TOMM20L: variants seen among roughly 807,000 people sequenced by gnomAD.
TOMM20L encodes the protein TOMM20-like protein 1.
TOMM20L carries 19 observed loss-of-function variants against 20.4 expected under a neutral mutation model. The observed-to-expected ratio is 0.93, with a 90% CI of 0.65 to 1.36. TOMM20L has a LOEUF of 1.36. Among genes scored for constraint, TOMM20L ranks in the 40% most tolerant of loss-of-function variants. The probability of loss-of-function intolerance (pLI) is 0.00; values close to 1 mark genes in which losing one functional copy is unlikely to be tolerated. For missense variants in TOMM20L, 218 were observed against 203.7 expected, an observed-to-expected ratio of 1.07 and a Z score of -0.43; for synonymous variants, 75 against 79.6, an observed-to-expected ratio of 0.94 and a Z score of 0.30.
downstream of TOMM20L, chr14:58,409,318 C>A: frequency 2.4e-6 from 2 of 824,724 alleles, no homozygotes; most frequent in Non-Finnish European, 3.7e-6. Flanking sequence ...CTGACCATAG[C>A]TTTTAATTGA....
rs1016999182 is a variant in TOMM20L, at chr14:58,403,109, C to G, written c.262+348C>G. Among the ~76,000 whole-genome samples the G allele has an allele frequency of 6.5e-4, 99 of 152,232 alleles. 1 individual carries two copies. Among genetic ancestry groups the G allele is most frequent in the Admixed American group, 6.5e-3 (99 of 15,288 alleles). On this transcript the variant is annotated intron_variant, in intron 3 of 4. Coordinates refer to ENST00000360945, the MANE Select transcript of TOMM20L (RefSeq NM_207377.3). The stretch of plus-strand genomic sequence containing the variant: ...TGGTGGCTCATACCTGTAATCCCAA[C>G]ACTTTGGGAGGCCAAGGCAAGAGGA...
intron 1 of TOMM20L, 31 bp from the exon 2 acceptor site, chr14:58,396,267 C>T: frequency 6.2e-7 from 1 of 1,612,124 alleles, no homozygotes. Context: ...GACGGGCCTC[C>T]CAGCCAGCAT....
intron 3 of TOMM20L, among the ~76,000 whole-genome samples, chr14:58,403,275 T>C (rs753921247): frequency 5.3e-5 from 8 of 152,142 alleles, no homozygotes; most frequent in Non-Finnish European, 7.4e-5. Context: ...AGAGGATCAC[T>C]TGAGCCCAGG....
the TOMM20L span, among the ~76,000 whole-genome samples, chr14:58,415,096 C>CA: frequency 5.3e-5 from 8 of 152,314 alleles, no homozygotes; most frequent in East Asian, 1.5e-3. Context: ...GGTGAGGAGC[C>CA]AGAATGCCTA....
chr14:58,410,902 C>T, downstream of TOMM20L: 1 of 1,613,552 alleles, frequency 6.2e-7, no homozygotes, highest in Non-Finnish European at 8.5e-7. Context: ...AAGCAGGTCT[C>T]TGTAAGTTTA....
rs2035910037 is a variant in TOMM20L at position 58,396,019 on chromosome 14, C to T, written c.62C>T (p.Ala21Val). ...GCCGCGGCGGCCTGTGGCGCCTTCG[C>T]CTTCCTGGGCTATTGTATTTACCTC... The part of the protein sequence containing the change: ...LAAAAACGAF[A>V]FLGYCIYLNR... Residue 21 changes from alanine (A) to valine (V), a missense_variant, in exon 1 of 5, where the codon GCC becomes GTC. Coordinates refer to ENST00000360945, the MANE Select transcript of TOMM20L (RefSeq NM_207377.3). 3 of 1,452,058 alleles carry T rather than the reference C, an allele frequency of 2.1e-6. No individual in the cohort carries two copies. 89.9% of individuals were successfully genotyped at this position (1,452,058 alleles called of 1,614,324 possible). A position where few individuals can be genotyped will look rare whatever the true frequency, so the allele number is the denominator to read the frequency against.
chr14:58,402,507 C>T (rs564956028), intron 2 of TOMM20L, among the ~76,000 whole-genome samples, 173 bp from the exon 3 acceptor site: 8 of 152,188 alleles, frequency 5.3e-5, no homozygotes, highest in East Asian at 1.9e-4. Context: ...AGGCTGGTCT[C>T]GAACTCCCGA....
chr14:58,408,866 G>T, downstream of TOMM20L: 1 of 952,780 alleles, frequency 1.0e-6, no homozygotes, highest in East Asian at 2.7e-5. Context: ...GATTATTCCT[G>T]GTAAATAGCA....
At chr14:58,411,567 T>C (rs1260249277), downstream of TOMM20L, among the ~76,000 whole-genome samples, 2 of 150,722 alleles carry the variant, frequency 1.3e-5, no homozygotes, top group Non-Finnish European at 3.0e-5. Flanking sequence ...TGAGATGGAG[T>C]CTTGCTCTGT....
downstream of TOMM20L, among the ~76,000 whole-genome samples, chr14:58,410,649 G>A (rs2036185399): frequency 6.6e-6 from 1 of 152,188 alleles, no homozygotes. Flanking sequence ...TTGGTACAAT[G>A]TAACTGTCAT....
At chr14:58,396,245 C>T in intron 1 of TOMM20L, 53 bp from the exon 2 acceptor site, 1 of 1,608,084 alleles carries the variant, frequency 6.2e-7, no homozygotes, top group East Asian at 2.2e-5. Context: ...ACTGGGCCCA[C>T]GCGTGCCTCT....
At chr14:58,412,251 C>T (rs2140316260), downstream of TOMM20L, 2 of 299,872 alleles carry the variant, frequency 6.7e-6, no homozygotes, top group East Asian at 7.9e-5. Flanking sequence ...AAGCAATTCT[C>T]CTGCCTCAGC....
At chr14:58,396,154 G>A (rs1169084639) in intron 1 of TOMM20L, 61 bp downstream of exon 1, 11 of 1,284,386 alleles carry the variant, frequency 8.6e-6, no homozygotes, top group Non-Finnish European at 1.1e-5. Flanking sequence ...CTGCCGGCCG[G>A]GAGGGCCCCC....
chr14:58,406,108 A>G (rs2036054125), intron 3 of TOMM20L, among the ~76,000 whole-genome samples: 4 of 152,224 alleles, frequency 2.6e-5, no homozygotes, highest in African/African-American at 7.2e-5. Flanking sequence ...TCTGTCAGGT[A>G]AAATACAGTT....
intron 4 of TOMM20L, among the ~76,000 whole-genome samples, chr14:58,408,076 C>CAA (rs1750228198): frequency 6.6e-6 from 1 of 152,112 alleles, no homozygotes; most frequent in Non-Finnish European, 1.5e-5. Context: ...TAAACATTCC[C>CAA]AAACTAGGGC....
In TOMM20L at chr14:58,408,684, A is replaced by C. The variant is rs2036110871; in HGVS notation, c.*102A>C. 5 of 1,220,258 alleles carry C rather than the reference A, an allele frequency of 4.1e-6. No individual in the cohort carries two copies. The East Asian group carries it at 1.0e-4, about 25-fold the overall frequency. The allele number at this position is 1,220,258 out of a possible 1,614,324, so 75.6% of individuals were successfully genotyped here. On this transcript the variant is annotated 3_prime_UTR_variant, in exon 5 of 5. Coordinates refer to ENST00000360945, the MANE Select transcript of TOMM20L (RefSeq NM_207377.3). ...TCCATTTATTTTACTTTGAGTAATA[A>C]AAATTTTTCTATCTCATACATGATC...
chr14:58,399,391 T>C (rs1291356429), intron 2 of TOMM20L, among the ~76,000 whole-genome samples: 1 of 152,146 alleles, frequency 6.6e-6, no homozygotes, highest in Admixed American at 6.5e-5. Flanking sequence ...GAATTCTTAC[T>C]GGCACAGTGA....
At chr14:58,397,631 C>T (rs1251926602) in intron 2 of TOMM20L, among the ~76,000 whole-genome samples, 10 of 152,116 alleles carry the variant, frequency 6.6e-5, no homozygotes, top group African/African-American at 2.2e-4. Context: ...CAAAGTGGGG[C>T]ATCTGCCAAG....
At chr14:58,408,777 G>A (rs374780118), downstream of TOMM20L, 69 of 690,624 alleles carry the variant, frequency 1.0e-4, no homozygotes, top group Non-Finnish European at 1.6e-4. Context: ...TTCTAATCAA[G>A]TGACCAAGCT....
Sources: gnomAD v4.1 joint callset for allele counts (sites outside exome capture counted in the v4.1 genomes callset) on GRCh38, gnomAD v4.1.1 for gene constraint, MANE v1.5 for transcripts, NCBI Gene and HGNC (gene_info 2026-07-23, HGNC 2026-07-21) for gene names.